The following TSC2 variants were observed in gnomAD, a reference collection of about 807,000 sequenced individuals.
TSC2 encodes the protein TSC complex subunit 2.
Under a neutral mutation model 202.2 loss-of-function variants are expected in TSC2, and 29 were observed. The ratio of observed to expected loss-of-function variants is 0.14; its 90% CI spans 0.11 to 0.20. The LOEUF (loss-of-function observed/expected upper bound fraction) is 0.20, where lower values mean the gene tolerates loss of function less well. Among genes scored for constraint, TSC2 ranks in the 10% least tolerant of loss-of-function variants. The pLI, the probability that TSC2 is intolerant of heterozygous loss-of-function variation, is 1.00. For missense variants in TSC2, 2,429 were observed against 2,420.0 expected, an observed-to-expected ratio of 1.00 and a Z score of -0.08; for synonymous variants, 1,349 against 1,044.0, an observed-to-expected ratio of 1.29 and a Z score of -5.63.
chr16:2,079,443 C>T lies in TSC2; in HGVS notation c.3284+15C>T, dbSNP rs939235755. On this transcript the variant is annotated intron_variant, in intron 28 of 41. Transcript: ENST00000219476. This position sits in a 1 kb window ranked among gnomAD's most constrained non-coding sequence, Gnocchi z 4.6. ...CCGGAGTCGAGGTGACTGCACCTTC[C>T]TTTCCTCCGCGCCTGCCAGCCTCGA... The T allele has an allele frequency of 3.1e-6, 5 of 1,612,588 alleles. No individual in the cohort carries two copies. In the African/African-American group the frequency reaches 5.3e-5, roughly 17 times the overall value.
rs750283532 is a variant in TSC2, at chr16:2,077,734, G to A, written c.2966+8G>A. The A allele has an allele frequency of 1.2e-6, 2 of 1,612,024 alleles. No individual in the cohort carries two copies. The highest frequency in any genetic ancestry group is 1.1e-5 in the South Asian group (1 of 91,058). ...TGAACATGTGGTCCGCAGGTAGCGG[G>A]ACTGTCGGGTGGGGGGCACGGACCC... On this transcript the variant is annotated splice_region_variant and intron_variant, in intron 26 of 41. Coordinates refer to ENST00000219476, the MANE Select transcript of TSC2 (RefSeq NM_000548.5).
At chr16:2,061,569 T>G in intron 11 of TSC2, 3 of 455,914 alleles carry the variant, frequency 6.6e-6, no homozygotes, top group East Asian at 4.3e-5. Flanking sequence ...CAAGATTCCT[T>G]GGGGGGTGGG....
chr16:2,067,288 A>C (rs1245168769), intron 16 of TSC2, among the ~76,000 whole-genome samples: 1 of 151,980 alleles, frequency 6.6e-6, no homozygotes, highest in Non-Finnish European at 1.5e-5. Flanking sequence ...AGGCCTCCCA[A>C]GTAGCTGGGA....
chr16:2,088,426 C>T lies in TSC2; in HGVS notation c.5260-20C>T, dbSNP rs2091180250. ...TGCCACGCCTCCCAGACTTACTGCC[C>T]AAGCCGCCTCTGCCTTCAGATCTGC... is the stretch of plus-strand genomic sequence containing the variant. On this transcript the variant is annotated intron_variant, in intron 41 of 41. Transcript: ENST00000219476. 10 of 1,612,624 alleles carry T rather than the reference C, an allele frequency of 6.2e-6. No individual in the cohort carries two copies. Among genetic ancestry groups the T allele is most frequent in the South Asian group, 1.1e-5 (1 of 91,092 alleles).
intron 14 of TSC2, 184 bp downstream of exon 14, chr16:2,063,237 G>A: frequency 1.4e-6 from 1 of 739,448 alleles, no homozygotes; most frequent in Non-Finnish European, 2.3e-6. Flanking sequence ...CGTCCTGGGT[G>A]CCTCTGCCAG....
rs549700419 is a variant in TSC2 at position 2,088,885 on chromosome 16, A to G, written c.*275A>G. ...CACACTCGCGCGTGCGCGCGCGCAC[A>G]CACACACACACACAGTCACCTTCCT... On this transcript the variant is annotated 3_prime_UTR_variant, in exon 42 of 42. Transcript: ENST00000219476. 3.3e-3 allele frequency: 1,080 copies of G among 327,810 alleles called. 9 individuals are homozygous for G. Among genetic ancestry groups the G allele is most frequent in the African/African-American group, 0.023 (934 of 41,044 alleles). 20.3% of individuals were successfully genotyped at this position (327,810 alleles called of 1,614,324 possible). A position where few individuals can be genotyped will look rare whatever the true frequency, so the allele number is the denominator to read the frequency against.
chr16:2,082,436 T>G lies in TSC2; in HGVS notation c.3815T>G (p.Val1272Gly), dbSNP rs1319528505. The G allele has an allele frequency of 1.2e-6, 2 of 1,612,470 alleles. No homozygotes were observed. The highest frequency in any genetic ancestry group is 2.2e-5 in the South Asian group (2 of 91,096). The change falls in exon 32 of 42, where the codon GTG becomes GGG. Residue 1272 changes from valine (V) to glycine (G), a missense_variant and splice_region_variant. Coordinates refer to ENST00000219476, the MANE Select transcript of TSC2 (RefSeq NM_000548.5). ...GGCCGCACACGGCCTTCCCTTGCAGTGGCCTCTTTCTCCTCCCTGTACCAG... is the reference window on the plus strand; with the variant it reads ...GGCCGCACACGGCCTTCCCTTGCAGGGGCCTCTTTCTCCTCCCTGTACCAG... ...KPPPLPRSNTVASFSSLYQSS... is the reference protein window; with the variant it reads ...KPPPLPRSNTGASFSSLYQSS...
intron 17 of TSC2, 97 bp from the exon 18 acceptor site, chr16:2,071,413 G>GC: frequency 7.9e-7 from 1 of 1,270,412 alleles, no homozygotes; most frequent in Non-Finnish European, 1.1e-6. Flanking sequence ...TTTTCTGAGT[G>GC]CCTGTGGTGC....
At chr16:2,074,474 A>T (rs1480848929) in intron 22 of TSC2, 85 bp downstream of exon 22, 2 of 1,530,032 alleles carry the variant, frequency 1.3e-6, no homozygotes, top group East Asian at 2.3e-5. Flanking sequence ...CTCTCTCAGG[A>T]CTCCTTGGGG....
rs774892845 is a variant in TSC2 at position 2,054,392 on chromosome 16, G to A, written c.433G>A (p.Ala145Thr). ...DLHERLEVFKALTDNGRHITY... is the reference protein window; with the variant it reads ...DLHERLEVFKTLTDNGRHITY... ...TCACGAAAGGCTGGAGGTTTTCAAGGCCCTCACAGACAATGGGAGACACAT... is the reference window on the plus strand; with the variant it reads ...TCACGAAAGGCTGGAGGTTTTCAAGACCCTCACAGACAATGGGAGACACAT... Residue 145 changes from alanine (A) to threonine (T), a missense_variant, in exon 5 of 42, where the codon GCC becomes ACC. Physicochemically the swap from Ala to Thr is moderately conservative, Grantham distance 58 (BLOSUM62 0). Coordinates refer to ENST00000219476, the MANE Select transcript of TSC2 (RefSeq NM_000548.5). 27 of 1,614,112 alleles carry A rather than the reference G, an allele frequency of 1.7e-5. No individual in the cohort carries two copies. Among genetic ancestry groups the A allele is most frequent in the Non-Finnish European group, 5.9e-6 (7 of 1,180,056 alleles).
intron 32 of TSC2, chr16:2,082,947 C>T (rs912189040): frequency 1.2e-4 from 46 of 374,852 alleles, no homozygotes; most frequent in African/African-American, 8.0e-4. Flanking sequence ...GACCAGGGGC[C>T]CTGCAGACCG....
chr16:2,053,524 T>C lies in TSC2; in HGVS notation c.336+72T>C, dbSNP rs565627144. On this transcript the variant is annotated intron_variant, in intron 4 of 41. Transcript: ENST00000219476. ...TGACTGTCCTGTCCCTGCTGGGCCGTGTTTGGACTCCTGCCTCGGTGAGTT... is the reference window on the plus strand; with the variant it reads ...TGACTGTCCTGTCCCTGCTGGGCCGCGTTTGGACTCCTGCCTCGGTGAGTT... 47 of 1,428,736 alleles carry C rather than the reference T, an allele frequency of 3.3e-5. No homozygotes were observed. The African/African-American group carries it at 5.8e-4, about 18-fold the overall frequency. The allele number at this position is 1,428,736 out of a possible 1,614,324, so 88.5% of individuals were successfully genotyped here. A position where few individuals can be genotyped will look rare whatever the true frequency, so the allele number is the denominator to read the frequency against.
At position 2,084,262 on chromosome 16, in the gene TSC2, T is replaced by C. The variant is rs1221929408; in HGVS notation, c.4040T>C (p.Leu1347Pro). ...GTCTCCAGCCAGGAGGAGAAGTCGC[T>C]CCACGCGGAGGAGCTGGTTGGCAGG... ...SSVSSQEEKSLHAEELVGRGI... is the reference protein window; with the variant it reads ...SSVSSQEEKSPHAEELVGRGI... The change falls in exon 34 of 42, where the codon CTC becomes CCC. Residue 1347 changes from leucine (L) to proline (P), a missense_variant. Transcript: ENST00000219476. 2 of 1,607,348 alleles carry C rather than the reference T, an allele frequency of 1.2e-6. No individual in the cohort carries two copies. The highest frequency in any genetic ancestry group is 3.4e-5 in the Admixed American group (2 of 59,598).
Position 2,060,570 on chromosome 16 carries a change from C to G in TSC2, c.976-100C>G, listed in dbSNP as rs2074968. 902,471 of 1,595,738 alleles carry G rather than the reference C, an allele frequency of 0.57. 257,233 individuals carry two copies. Among genetic ancestry groups the G allele is most frequent in the East Asian group, 0.69 (30,684 of 44,704 alleles). ...TGATAAACGTGTGGTGGGCACTGCG[C>G]GCTCAGGCGTGCTACTCTCGGTCCC... On this transcript the variant is annotated intron_variant, in intron 10 of 41. Transcript: ENST00000219476.
chr16:2,070,202 G>T (rs1244344898), intron 16 of TSC2, among the ~76,000 whole-genome samples: 1 of 152,212 alleles, frequency 6.6e-6, no homozygotes, highest in Non-Finnish European at 1.5e-5. Flanking sequence ...CTGCCACGCA[G>T]CTGGAGCTTC....
intron 38 of TSC2, chr16:2,087,131 G>A: frequency 1.8e-6 from 1 of 561,062 alleles, no homozygotes; most frequent in South Asian, 2.0e-5. Context: ...TGGGCACAGT[G>A]TAGTTGGTGC....
intron 24 of TSC2, 80 bp from the exon 25 acceptor site, chr16:2,076,411 A>C (rs2089376726): frequency 6.3e-7 from 1 of 1,596,092 alleles, no homozygotes; most frequent in South Asian, 1.1e-5. Context: ...GTCCCTGGCC[A>C]GGGGGCACCC....
intron 5 of TSC2, chr16:2,055,070 G>A (rs535310094): frequency 9.2e-5 from 39 of 424,638 alleles, no homozygotes; most frequent in African/African-American, 7.7e-4. Flanking sequence ...TGCTGGGGGT[G>A]GGGAACGCCC....
intron 32 of TSC2, chr16:2,082,846 CT>C: frequency 2.2e-6 from 1 of 456,312 alleles, no homozygotes; most frequent in South Asian, 2.0e-5. Context: ...AAGCCCACCC[CT>C]GGGCCTGCAC....
Sources: allele counts gnomAD v4.1 joint callset (sites outside exome capture counted in the v4.1 genomes callset), GRCh38; gene constraint gnomAD v4.1.1; non-coding constraint Gnocchi (gnomAD v3.1); transcripts MANE v1.5; gene names NCBI Gene and HGNC (gene_info 2026-07-23, HGNC 2026-07-21).